Variants in ZNF98 observed in about 807,000 individuals in gnomAD.
ZNF98 encodes the protein zinc finger protein 739.
ZNF98 carries 8 observed loss-of-function variants against 12.8 expected under a neutral mutation model. The ratio of observed to expected loss-of-function variants is 0.63; its 90% CI spans 0.37 to 1.13. The LOEUF (loss-of-function observed/expected upper bound fraction) is 1.13, where lower values mean the gene tolerates loss of function less well. Ranked by LOEUF, ZNF98 falls within the 50% of genes most tolerant of loss-of-function variation. ZNF98 has a pLI of 0.01. For missense variants in ZNF98, 379 were observed against 666.1 expected, an observed-to-expected ratio of 0.57 and a Z score of 4.74; for synonymous variants, 112 against 223.5, an observed-to-expected ratio of 0.50 and a Z score of 4.45.
intron 3 of ZNF98, among the ~76,000 whole-genome samples, chr19:22,395,614 A>T (rs913426548): frequency 6.6e-6 from 1 of 152,168 alleles, no homozygotes; most frequent in African/African-American, 2.4e-5. Context: ...AAAAATAGAA[A>T]AATAAACAAC....
In ZNF98 at chr19:22,411,123, A is replaced by G. The variant is rs1202154007; in HGVS notation, c.31-7611T>C. Reference sequence around the variant, plus strand: ...AGTGGCGAGATCTGCACTTACTGCAACCTCTGCCTCCCAGGTTCAAGCTGT... The same window carrying G: ...AGTGGCGAGATCTGCACTTACTGCAGCCTCTGCCTCCCAGGTTCAAGCTGT... On this transcript the variant is annotated intron_variant, in intron 1 of 3. Coordinates refer to ENST00000357774, the MANE Select transcript of ZNF98 (RefSeq NM_001098626.2). Among the ~76,000 whole-genome samples, 2 of 152,070 alleles carry G rather than the reference A, an allele frequency of 1.3e-5. 1 individual carries two copies. Among genetic ancestry groups the G allele is most frequent in the Non-Finnish European group, 2.9e-5 (2 of 68,014 alleles).
chr19:22,398,124 G>C (rs1409998010), intron 3 of ZNF98, among the ~76,000 whole-genome samples: 1 of 151,854 alleles, frequency 6.6e-6, no homozygotes, highest in Admixed American at 6.6e-5. Flanking sequence ...TACTCAGTTT[G>C]AAAAAAAGCA....
intron 1 of ZNF98, among the ~76,000 whole-genome samples, chr19:22,405,269 TAAAAAAA>T (rs71180544): frequency 8.1e-6 from 1 of 123,596 alleles, no homozygotes; most frequent in African/African-American, 3.1e-5. Flanking sequence ...CATGCTTAGC[TAAAAAAA>T]AAAAAAAAAA....
At chr19:22,415,301 T>G (rs192527257) in intron 1 of ZNF98, among the ~76,000 whole-genome samples, 156 of 152,262 alleles carry the variant, frequency 1.0e-3, no homozygotes, top group African/African-American at 3.6e-3. Flanking sequence ...GTGTGACGAT[T>G]CCTCACAGAA....
At chr19:22,417,995 C>G (rs1040792878) in intron 1 of ZNF98, among the ~76,000 whole-genome samples, 1 of 152,130 alleles carries the variant, frequency 6.6e-6, no homozygotes, top group Admixed American at 6.6e-5. Context: ...CCCAGACACC[C>G]AGAGTTTTAT....
intron 1 of ZNF98, among the ~76,000 whole-genome samples, chr19:22,405,882 T>C (rs1420436783): frequency 1.3e-5 from 2 of 152,146 alleles, no homozygotes; most frequent in Non-Finnish European, 2.9e-5. Context: ...TCTTCAGGCC[T>C]GACTCTGACC....
At chr19:22,401,103 T>TAGAA (rs2145112311) in intron 3 of ZNF98, among the ~76,000 whole-genome samples, 2 of 104,622 alleles carry the variant, frequency 1.9e-5, no homozygotes, top group South Asian at 6.0e-4. Context: ...GTGGAATAAG[T>TAGAA]AAAAAAAAAA....
At chr19:22,417,307 C>T (rs1214734356) in intron 1 of ZNF98, among the ~76,000 whole-genome samples, 1 of 142,672 alleles carries the variant, frequency 7.0e-6, no homozygotes. Flanking sequence ...GAGGGAACAA[C>T]AGACACTGAG....
At chr19:22,394,350 G>A (rs1258189998) in intron 3 of ZNF98, among the ~76,000 whole-genome samples, 5 of 151,706 alleles carry the variant, frequency 3.3e-5, no homozygotes, top group Admixed American at 6.6e-5. Flanking sequence ...ATACCCAAAG[G>A]ATTATAAATC....
At chr19:22,418,806 C>T (rs1969673320) in intron 1 of ZNF98, among the ~76,000 whole-genome samples, 1 of 152,160 alleles carries the variant, frequency 6.6e-6, no homozygotes, top group South Asian at 2.1e-4. Context: ...CGCTTGAACC[C>T]AGGACGCAGA....
intron 1 of ZNF98, among the ~76,000 whole-genome samples, chr19:22,410,135 C>G (rs182303954): frequency 2.0e-5 from 3 of 152,218 alleles, no homozygotes; most frequent in Admixed American, 2.0e-4. Context: ...GAAACAGAAA[C>G]ACTTTTACAC....
intron 1 of ZNF98, among the ~76,000 whole-genome samples, chr19:22,413,586 A>G (rs1969603881): frequency 6.6e-6 from 1 of 152,070 alleles, no homozygotes; most frequent in Admixed American, 6.6e-5. Flanking sequence ...GAAGTCAGAG[A>G]TGGGCCAGGT....
At chr19:22,406,561 T>C (rs772422576) in intron 1 of ZNF98, among the ~76,000 whole-genome samples, 27 of 152,126 alleles carry the variant, frequency 1.8e-4, no homozygotes, top group Non-Finnish European at 3.4e-4. Context: ...CTCATGCCTG[T>C]AATCCCAGCA....
At chr19:22,396,870 C>T (rs1357361750) in intron 3 of ZNF98, among the ~76,000 whole-genome samples, 1 of 152,084 alleles carries the variant, frequency 6.6e-6, no homozygotes, top group Non-Finnish European at 1.5e-5. Flanking sequence ...CCTGTAATCC[C>T]AGCACTTTGG....
At chr19:22,407,737 C>G (rs1485048626) in intron 1 of ZNF98, among the ~76,000 whole-genome samples, 3 of 150,780 alleles carry the variant, frequency 2.0e-5, no homozygotes, top group Non-Finnish European at 3.0e-5. Context: ...AAAGCAAAAA[C>G]AAAACAAAAC....
chr19:22,420,723 C>A (rs900224590), intron 1 of ZNF98, among the ~76,000 whole-genome samples: 2 of 149,256 alleles, frequency 1.3e-5, no homozygotes, highest in African/African-American at 4.9e-5. Flanking sequence ...TATTCAGAGA[C>A]AGTACTAAAA....
At chr19:22,412,515 G>A (rs1456368938) in intron 1 of ZNF98, among the ~76,000 whole-genome samples, 1 of 151,776 alleles carries the variant, frequency 6.6e-6, no homozygotes, top group Admixed American at 6.6e-5. Context: ...AAGGCTGAGA[G>A]AAGCAAGAGC....
intron 1 of ZNF98, among the ~76,000 whole-genome samples, chr19:22,420,813 TAA>T: frequency 6.6e-6 from 1 of 152,198 alleles, no homozygotes; most frequent in East Asian, 1.9e-4. Context: ...ATCTTGACAC[TAA>T]AACATTATCA....
Position 22,403,411 on chromosome 19 carries a change from C to G in ZNF98, c.132G>C (p.Glu44Asp). The change falls in exon 2 of 4, where the codon GAG becomes GAC. Residue 44 changes from glutamate to aspartate, a missense_variant. By Grantham distance (45) the Glu-to-Asp change is conservative. Around this residue, in one of 8 missense-constraint regions of ZNF98, gnomAD observed 223 missense variants for 261.6 expected, o/e 0.85. Coordinates refer to ENST00000357774, the MANE Select transcript of ZNF98 (RefSeq NM_001098626.2). ...CCACAAAGACCAGGTTTCTGTAGTTCTCTAACATCACATTCCTATATAAAT... is the reference window on the plus strand; with the variant it reads ...CCACAAAGACCAGGTTTCTGTAGTTGTCTAACATCACATTCCTATATAAAT... Reference protein sequence around the residue: ...QQNLYRNVMLENYRNLVFVGI... With the variant: ...QQNLYRNVMLDNYRNLVFVGI... The G allele has an allele frequency of 6.2e-7, 1 of 1,600,606 alleles. No homozygotes were observed. Among genetic ancestry groups the G allele is most frequent in the Non-Finnish European group, 8.5e-7 (1 of 1,173,556 alleles).
Sources: allele counts gnomAD v4.1 joint callset (sites outside exome capture counted in the v4.1 genomes callset), GRCh38; gene constraint gnomAD v4.1.1; regional missense constraint gnomAD v4.1.1; transcripts MANE v1.5; gene names NCBI Gene and HGNC (gene_info 2026-07-23, HGNC 2026-07-21).